The following PIK3AP1 variants were observed in gnomAD, a reference collection of about 807,000 sequenced individuals.
PIK3AP1 encodes phosphoinositide-3-kinase adaptor protein 1.
In PIK3AP1, 21 loss-of-function variants were observed where a neutral mutation model predicts 88.1. The observed-to-expected ratio is 0.24, with a 90% CI of 0.17 to 0.34. The LOEUF (loss-of-function observed/expected upper bound fraction) is 0.34, where lower values mean the gene tolerates loss of function less well. Ranked by LOEUF, PIK3AP1 falls within the 10% of genes least tolerant of loss-of-function variation. The probability of loss-of-function intolerance (pLI) is 1.00; values close to 1 mark genes in which losing one functional copy is unlikely to be tolerated. For missense variants in PIK3AP1, 828 were observed against 1,035.7 expected, an observed-to-expected ratio of 0.80 and a Z score of 2.75; for synonymous variants, 398 against 400.0, an observed-to-expected ratio of 1.00 and a Z score of 0.06.
Position 96,609,735 on chromosome 10 carries a change from G to A in PIK3AP1, c.2147C>T (p.Thr716Ile), listed in dbSNP as rs368775964. 1 of 1,614,040 alleles carries A rather than the reference G, an allele frequency of 6.2e-7. No individual in the cohort carries two copies. The highest frequency in any genetic ancestry group is 8.5e-7 in the Non-Finnish European group (1 of 1,179,970). Reference sequence around the variant, plus strand: ...ACTTGCTGTGCTGGAGGTGCTGTCTGTTTTCCAGTCTCCTCGTCTCAGCTC... The same window carrying A: ...ACTTGCTGTGCTGGAGGTGCTGTCTATTTTCCAGTCTCCTCGTCTCAGCTC... ...RTELRRGDWK[T>I]DSTSSTASST... Residue 716 changes from threonine to isoleucine, a missense_variant, in exon 14 of 17, where the codon ACA becomes ATA. By Grantham distance (89) the Thr-to-Ile change is moderately conservative (BLOSUM62 -1). This residue lies in a region of PIK3AP1 where 191 missense variants were observed against 208.6 expected (regional missense o/e 0.92). Transcript: ENST00000339364.
intron 2 of PIK3AP1, among the ~76,000 whole-genome samples, chr10:96,678,087 C>T (rs1336150564): frequency 6.6e-6 from 1 of 152,026 alleles, no homozygotes; most frequent in African/African-American, 2.4e-5. Flanking sequence ...CCTCAGCCTC[C>T]CGAGTAGTTA....
At chr10:96,662,205 T>C (rs533922053) in intron 2 of PIK3AP1, among the ~76,000 whole-genome samples, 1 of 152,288 alleles carries the variant, frequency 6.6e-6, no homozygotes, top group East Asian at 1.9e-4. Flanking sequence ...ATAAACAAAA[T>C]GAGGTATGTC....
chr10:96,682,903 G>GA (rs1185221286), intron 2 of PIK3AP1, among the ~76,000 whole-genome samples: 1 of 152,034 alleles, frequency 6.6e-6, no homozygotes, highest in African/African-American at 2.4e-5. Flanking sequence ...AATCTATTTT[G>GA]AAAAAACTAC....
At chr10:96,633,672 CTTTA>C (rs1216911713) in intron 8 of PIK3AP1, among the ~76,000 whole-genome samples, 1 of 152,144 alleles carries the variant, frequency 6.6e-6, no homozygotes, top group Non-Finnish European at 1.5e-5. Flanking sequence ...TAAACAGGAC[CTTTA>C]TTTGTCTGAA....
intron 12 of PIK3AP1, among the ~76,000 whole-genome samples, chr10:96,617,867 C>G (rs1288220053): frequency 6.6e-6 from 1 of 152,112 alleles, no homozygotes; most frequent in South Asian, 2.1e-4. Flanking sequence ...GCCTGGGGCA[C>G]TCAGGGGGAC....
intron 2 of PIK3AP1, among the ~76,000 whole-genome samples, chr10:96,673,358 G>A (rs1466153097): frequency 6.6e-6 from 1 of 152,140 alleles, no homozygotes; most frequent in East Asian, 1.9e-4. Context: ...GATCCTTAGG[G>A]AGCACTATCC....
Position 96,628,499 on chromosome 10 carries a change from A to G in PIK3AP1, c.1376-6T>C, listed in dbSNP as rs751280164. 1 of 1,598,298 alleles carries G rather than the reference A, an allele frequency of 6.3e-7. No individual in the cohort carries two copies. The highest frequency in any genetic ancestry group is 1.7e-5 in the Admixed American group (1 of 59,984). The stretch of plus-strand genomic sequence containing the variant: ...GGCCTGAAGCATTTCAACATCTAGA[A>G]GGAAAAGGAGACTAAGAGTTATATA... On this transcript the variant is annotated splice_polypyrimidine_tract_variant and splice_region_variant and intron_variant, in intron 8 of 16. Transcript: ENST00000339364.
chr10:96,690,839 G>T (rs1326408632), intron 2 of PIK3AP1, among the ~76,000 whole-genome samples: 1 of 152,174 alleles, frequency 6.6e-6, no homozygotes, highest in Non-Finnish European at 1.5e-5. Flanking sequence ...CCTACCCTGA[G>T]ATTTTTAAAT....
chr10:96,639,820 T>C (rs1843360214), intron 8 of PIK3AP1, among the ~76,000 whole-genome samples: 1 of 152,172 alleles, frequency 6.6e-6, no homozygotes, highest in Non-Finnish European at 1.5e-5. Flanking sequence ...AGGATGCAGA[T>C]AGGAGAGACA....
At chr10:96,683,633 C>T (rs541957017) in intron 2 of PIK3AP1, among the ~76,000 whole-genome samples, 61 of 152,256 alleles carry the variant, frequency 4.0e-4, no homozygotes, top group African/African-American at 1.3e-3. Flanking sequence ...AAGTCATTTT[C>T]CATAAGCCAA....
chr10:96,626,890 A>G lies in PIK3AP1; in HGVS notation c.1487T>C (p.Met496Thr). Residue 496 changes from methionine (M) to threonine (T), a missense_variant, in exon 10 of 17, where the codon ATG becomes ACG. Transcript: ENST00000339364. ...GCACTGATCTCTCTCCAGATTGGTC[A>G]TTCCCATGCTGTTGCCTAGAAACGC... is the stretch of plus-strand genomic sequence containing the variant. ...RKFLEGNSMG[M>T]TNLERDQCHL... The G allele has an allele frequency of 6.2e-7, 1 of 1,614,044 alleles. No homozygotes were observed. Among genetic ancestry groups the G allele is most frequent in the Non-Finnish European group, 8.5e-7 (1 of 1,179,852 alleles).
chr10:96,710,528 T>G (rs1234642678), intron 1 of PIK3AP1, among the ~76,000 whole-genome samples: 1 of 152,202 alleles, frequency 6.6e-6, no homozygotes, highest in Non-Finnish European at 1.5e-5. Context: ...AACCCCATAC[T>G]GTTTTAGATC....
At chr10:96,598,219 G>T (rs1284440462) in intron 16 of PIK3AP1, among the ~76,000 whole-genome samples, 1 of 150,980 alleles carries the variant, frequency 6.6e-6, no homozygotes, top group African/African-American at 2.4e-5. Context: ...AATTTTTTTT[G>T]TTTGTTTGTT....
intron 8 of PIK3AP1, among the ~76,000 whole-genome samples, chr10:96,643,010 T>C (rs1317969217): frequency 6.6e-6 from 1 of 152,154 alleles, no homozygotes; most frequent in Non-Finnish European, 1.5e-5. Context: ...CTTTTGTGAG[T>C]GAGTCCCTAT....
chr10:96,647,500 G>A (rs913008255), intron 7 of PIK3AP1, among the ~76,000 whole-genome samples: 7 of 151,976 alleles, frequency 4.6e-5, no homozygotes, highest in Non-Finnish European at 1.0e-4. Context: ...GCTACATTTG[G>A]TACATTTGTG....
At chr10:96,712,036 G>A (rs1844446295) in intron 1 of PIK3AP1, among the ~76,000 whole-genome samples, 1 of 151,918 alleles carries the variant, frequency 6.6e-6, no homozygotes, top group Admixed American at 6.6e-5. Flanking sequence ...TTACAGGCGT[G>A]AGCCACCGCA....
chr10:96,690,448 G>C (rs1355979000), intron 2 of PIK3AP1, among the ~76,000 whole-genome samples: 1 of 151,642 alleles, frequency 6.6e-6, no homozygotes, highest in Non-Finnish European at 1.5e-5. Context: ...TTTTTTTGTA[G>C]TGATGGGATC....
chr10:96,701,858 T>C (rs1030056183), intron 2 of PIK3AP1, among the ~76,000 whole-genome samples: 2 of 152,186 alleles, frequency 1.3e-5, no homozygotes, highest in African/African-American at 4.8e-5. Flanking sequence ...GGGGAAAAAT[T>C]AGAACTTACA....
chr10:96,649,837 T>G (rs918870311), intron 6 of PIK3AP1, among the ~76,000 whole-genome samples: 9 of 152,220 alleles, frequency 5.9e-5, no homozygotes, highest in Non-Finnish European at 1.2e-4. Context: ...AGAGAGGTGC[T>G]GGGTCCCCAC....
Sources: gnomAD v4.1 joint callset for allele counts (sites outside exome capture counted in the v4.1 genomes callset) on GRCh38, gnomAD v4.1.1 for gene constraint, gnomAD v4.1.1 regional missense constraint, MANE v1.5 for transcripts, NCBI Gene and HGNC (gene_info 2026-07-23, HGNC 2026-07-21) for gene names.